GIGYF1: variants seen among roughly 807,000 people sequenced by gnomAD.
GIGYF1 encodes the protein GRB10 interacting GYF protein 1.
GIGYF1 carries 84 observed loss-of-function variants against 147.1 expected under a neutral mutation model. The ratio of observed to expected loss-of-function variants is 0.57; its 90% CI spans 0.48 to 0.68. The LOEUF is 0.68. Among genes scored for constraint, GIGYF1 ranks in the 30% least tolerant of loss-of-function variants. The pLI is 0.00. For synonymous variants in GIGYF1, 752 were observed against 589.5 expected (o/e 1.28, Z -3.99); for missense variants, 1,485 against 1,393.7 (o/e 1.07, Z -1.04).
Position 100,686,701 on chromosome 7 carries a change from C to T in GIGYF1, c.642G>A (p.Arg214=). The T allele has an allele frequency of 6.2e-7, 1 of 1,613,394 alleles. No individual in the cohort carries two copies. Among genetic ancestry groups the T allele is most frequent in the Non-Finnish European group, 8.5e-7 (1 of 1,179,886 alleles). The change falls in exon 10 of 27, where the codon AGG becomes AGA. Residue 214 remains arginine (R), a synonymous_variant. Transcript: ENST00000678049. ...EQEEEEEGSW[R]LGAGPRRDGD... is the part of the protein sequence containing the mutation. ...CGTCTCGCCGGGGCCCTGCTCCGAG[C>T]CTCCAGCTGCCCTCCTCCTCCTCCT...
chr7:100,686,306 G>A lies in GIGYF1; in HGVS notation c.822C>T (p.His274=), dbSNP rs772136867. The A allele has an allele frequency of 3.7e-6, 6 of 1,613,998 alleles. No individual in the cohort carries two copies. The South Asian group carries it at 5.5e-5, about 15-fold the overall frequency. ...EEGRGGGGSS[H]LRRCRAPEGF... Reference sequence around the variant, plus strand: ...CTTCAGGCGCTCGGCACCGCCGCAGGTGAGAGCTGCCTCCCCCTCCCCGCC... The same window carrying A: ...CTTCAGGCGCTCGGCACCGCCGCAGATGAGAGCTGCCTCCCCCTCCCCGCC... Residue 274 remains histidine, a synonymous_variant, in exon 11 of 27, where the codon CAC becomes CAT. Coordinates refer to ENST00000678049, the MANE Select transcript of GIGYF1 (RefSeq NM_001375765.1).
chr7:100,687,993 G>C lies in GIGYF1; in HGVS notation c.153C>G (p.Val51=). 6.2e-7 allele frequency: 1 copy of C among 1,612,674 alleles called. No homozygotes were observed. Among genetic ancestry groups the C allele is most frequent in the Non-Finnish European group, 8.5e-7 (1 of 1,179,068 alleles). ...CCCACGCACCCACCTTGTTCTCCTT[G>C]ACGTAGAGAGCCAGCATTTCCTCTC... ...YGREEMLALY[V]KENKVPEELQ... is the part of the protein sequence containing the mutation. The change falls in exon 5 of 27, where the codon GTC becomes GTG. Residue 51 remains valine (V), a synonymous_variant. Coordinates refer to ENST00000678049, the MANE Select transcript of GIGYF1 (RefSeq NM_001375765.1).
chr7:100,685,567 C>T (rs1584498742), intron 12 of GIGYF1, 86 bp from the exon 13 acceptor site: 10 of 1,465,846 alleles, frequency 6.8e-6, no homozygotes, highest in East Asian at 4.6e-5. Context: ...TGGCTGGAAC[C>T]GCGGGTCACA....
intron 1 of GIGYF1, among the ~76,000 whole-genome samples, chr7:100,692,822 A>C (rs574534513): frequency 1.3e-4 from 20 of 152,282 alleles, no homozygotes; most frequent in Non-Finnish European, 2.2e-4. Context: ...CCGCTGGGGG[A>C]CCAAGACCTA....
chr7:100,680,576 CGGAA>C lies in GIGYF1; in HGVS notation c.*1139_*1142del, dbSNP rs1804648231. ...ACCTGCTCCTCTCCCATTTGGTCAG[CGGAA>C]GGGTCAGGTGCAGAGCTGGGTGGTC... On this transcript the variant is annotated 3_prime_UTR_variant, in exon 27 of 27. Transcript: ENST00000678049. 6.6e-6 allele frequency: 1 copy of C among 152,658 alleles called. No homozygotes were observed. The highest frequency in any genetic ancestry group is 1.5e-5 in the Non-Finnish European group (1 of 68,092). 9.5% of individuals were successfully genotyped at this position (152,658 alleles called of 1,614,324 possible). A position where few individuals can be genotyped will look rare whatever the true frequency, so the allele number is the denominator to read the frequency against.
Position 100,685,371 on chromosome 7 carries a change from C to A in GIGYF1, c.1165G>T (p.Ala389Ser). Residue 389 changes from alanine to serine, a missense_variant, in exon 13 of 27, where the codon GCA (alanine) becomes TCA (serine). Physicochemically the swap from Ala to Ser is moderately conservative, Grantham distance 99. Coordinates refer to ENST00000678049, the MANE Select transcript of GIGYF1 (RefSeq NM_001375765.1). ...WGTNGDGDETAEKEPPAAEDD... is the reference protein window; with the variant it reads ...WGTNGDGDETSEKEPPAAEDD... The stretch of plus-strand genomic sequence containing the variant: ...TCGGCCGCTGGGGGCTCTTTCTCTG[C>A]AGTTTCGTCCCCATCCCCGTTTGTC... 6.3e-7 allele frequency: 1 copy of A among 1,598,294 alleles called. No homozygotes were observed. The highest frequency in any genetic ancestry group is 8.5e-7 in the Non-Finnish European group (1 of 1,175,890).
chr7:100,684,539 A>G lies in GIGYF1; in HGVS notation c.1540T>C (p.Cys514Arg). Residue 514 changes from cysteine to arginine, a missense_variant, in exon 16 of 27, where the codon TGC (cysteine) becomes CGC (arginine). Transcript: ENST00000678049. ...CCCAGCGGCTGGAAGCCCTCATCGC[A>G]GCCCCGCTTCACCAGCAGTGACATG... The part of the protein sequence containing the change: ...FSMSLLVKRG[C>R]DEGFQPLGEV... 3.1e-6 allele frequency: 5 copies of G among 1,614,048 alleles called. No homozygotes were observed. The highest frequency in any genetic ancestry group is 3.4e-6 in the Non-Finnish European group (4 of 1,180,008).
chr7:100,687,334 G>C lies in GIGYF1; in HGVS notation c.446C>G (p.Pro149Arg). 2 of 1,613,246 alleles carry C rather than the reference G, an allele frequency of 1.2e-6. No homozygotes were observed. Among genetic ancestry groups the C allele is most frequent in the Non-Finnish European group, 1.7e-6 (2 of 1,179,966 alleles). The change falls in exon 8 of 27, where the codon CCC (proline) becomes CGC (arginine). Residue 149 changes from proline to arginine, a missense_variant. Coordinates refer to ENST00000678049, the MANE Select transcript of GIGYF1 (RefSeq NM_001375765.1). ...EEGDGAFGRS[P>R]REIQRSQSWD... ...GCTCTGGCTGCGCTGGATTTCCCGGGGGCTTCGTCCAAAGGCCCCATCGCC... is the reference window on the plus strand; with the variant it reads ...GCTCTGGCTGCGCTGGATTTCCCGGCGGCTTCGTCCAAAGGCCCCATCGCC...
intron 8 of GIGYF1, 60 bp from the exon 9 acceptor site, chr7:100,687,106 A>G (rs1400819811): frequency 1.5e-5 from 24 of 1,604,278 alleles, no homozygotes; most frequent in African/African-American, 2.7e-5. Flanking sequence ...ACCCTGTGCA[A>G]CCGCCCCATG....
In GIGYF1 at chr7:100,685,482, C is replaced by T. The variant is rs775996551; in HGVS notation, c.1055-1G>A. On this transcript the variant is annotated splice_acceptor_variant, in intron 12 of 26. Transcript: ENST00000678049. LOFTEE classifies it high-confidence loss of function. ...GGCAGTGGGGTCAGCTCTTTCCCAC[C>T]TAGAAGAGGGAGATGGCCAGAGTTC... 1 of 1,599,314 alleles carries T rather than the reference C, an allele frequency of 6.3e-7. No homozygotes were observed. Among genetic ancestry groups the T allele is most frequent in the South Asian group, 1.1e-5 (1 of 88,964 alleles).
At chr7:100,687,931 C>T (rs777699484) in intron 5 of GIGYF1, 48 bp from the exon 6 acceptor site, 3 of 1,611,780 alleles carry the variant, frequency 1.9e-6, no homozygotes, top group Non-Finnish European at 2.5e-6. Context: ...GCCAGATCCC[C>T]TCCACAGGCA....
In GIGYF1 at chr7:100,687,585, G is replaced by C. The variant is rs1356749760; in HGVS notation, c.293C>G (p.Ala98Gly). The C allele has an allele frequency of 6.8e-6, 11 of 1,612,362 alleles. No homozygotes were observed. Among genetic ancestry groups the C allele is most frequent in the Non-Finnish European group, 9.3e-6 (11 of 1,179,792 alleles). The change falls in exon 7 of 27, where the codon GCT becomes GGT. Residue 98 changes from alanine to glycine, a missense_variant. Ala to Gly is a moderately conservative substitution (Grantham distance 60). Transcript: ENST00000678049. ...RNFSLSVNSV[A>G]VLRLMGKGAG... ...CCCTTTCCCCATCAGCCTCAGCACA[G>C]CCACGCTGTTCACTGACAGGGAGAA...
In GIGYF1 at chr7:100,684,777, T is replaced by A. The variant is rs1374598048; in HGVS notation, c.1408A>T (p.Ser470Cys). ...AACCACTTCCGGGCAGCCCCATGGC[T>A]GAGCGGGAGGGCAGTGGCGGCTGCA... ...HSAAATALPLSHGAARKWFYK... is the reference protein window; with the variant it reads ...HSAAATALPLCHGAARKWFYK... The change falls in exon 15 of 27, where the codon AGC becomes TGC. Residue 470 changes from serine to cysteine, a missense_variant. By Grantham distance (112) the Ser-to-Cys change is moderately radical. Transcript: ENST00000678049. 1 of 1,612,242 alleles carries A rather than the reference T, an allele frequency of 6.2e-7. No homozygotes were observed. Among genetic ancestry groups the A allele is most frequent in the East Asian group, 2.2e-5 (1 of 44,852 alleles).
intron 1 of GIGYF1, among the ~76,000 whole-genome samples, chr7:100,691,880 G>A (rs1046239363): frequency 6.6e-6 from 1 of 152,252 alleles, no homozygotes; most frequent in African/African-American, 2.4e-5. Context: ...GCTCCAGTAG[G>A]CGCCAGGGCG....
intron 1 of GIGYF1, among the ~76,000 whole-genome samples, chr7:100,690,074 TAGTA>T (rs1805710385): frequency 6.6e-6 from 1 of 152,180 alleles, no homozygotes; most frequent in Non-Finnish European, 1.5e-5. Flanking sequence ...TGAGTGTACT[TAGTA>T]ACACAGAATG....
In GIGYF1 at chr7:100,688,254, G is replaced by A. The variant is rs1484040520; in HGVS notation, c.-16C>T. The A allele has an allele frequency of 2.4e-6, 2 of 828,866 alleles. No individual in the cohort carries two copies. Among genetic ancestry groups the A allele is most frequent in the Non-Finnish European group, 1.9e-6 (1 of 518,600 alleles). The allele number at this position is 828,866 out of a possible 1,614,324, so 51.3% of individuals were successfully genotyped here. A position where few individuals can be genotyped will look rare whatever the true frequency, so the allele number is the denominator to read the frequency against. Reference sequence around the variant, plus strand: ...CTGCTGCCATCGTGGGGCTGGGCGTGTTTGAGAGGCCGGGGGTGGGGAGGA... The same window carrying A: ...CTGCTGCCATCGTGGGGCTGGGCGTATTTGAGAGGCCGGGGGTGGGGAGGA... On this transcript the variant is annotated 5_prime_UTR_variant, in exon 4 of 27. Coordinates refer to ENST00000678049, the MANE Select transcript of GIGYF1 (RefSeq NM_001375765.1).
chr7:100,688,312 G>T lies in GIGYF1; in HGVS notation c.-69-5C>A. On this transcript the variant is annotated splice_region_variant and splice_polypyrimidine_tract_variant and intron_variant, in intron 3 of 26. Coordinates refer to ENST00000678049, the MANE Select transcript of GIGYF1 (RefSeq NM_001375765.1). ...TGGCGTTCACTGTCCAAACACCTGT[G>T]GGGGAACAGGGGCCATGAAGAACAG... The T allele has an allele frequency of 3.5e-6, 4 of 1,151,700 alleles. No homozygotes were observed. The highest frequency in any genetic ancestry group is 1.3e-5 in the South Asian group (1 of 77,244). The allele number at this position is 1,151,700 out of a possible 1,614,324, so 71.3% of individuals were successfully genotyped here.
At chr7:100,686,464 T>G in intron 10 of GIGYF1, 31 bp from the exon 11 acceptor site, 1 of 1,554,316 alleles carries the variant, frequency 6.4e-7, no homozygotes, top group Admixed American at 1.9e-5. Context: ...AGAAGAAGAG[T>G]GGGTACCCAA....
At chr7:100,686,148 G>A (rs1426752283) in intron 11 of GIGYF1, 32 bp downstream of exon 11, 1 of 1,601,278 alleles carries the variant, frequency 6.2e-7, no homozygotes, top group South Asian at 1.1e-5. Flanking sequence ...CCCCGGAAGG[G>A]CAGGTTCCCA....
Sources: gnomAD v4.1 joint callset for allele counts (sites outside exome capture counted in the v4.1 genomes callset) on GRCh38, gnomAD v4.1.1 for gene constraint, MANE v1.5 for transcripts, NCBI Gene and HGNC (gene_info 2026-07-23, HGNC 2026-07-21) for gene names.